The following RAB27B variants were observed in gnomAD, a reference collection of about 807,000 sequenced individuals.
RAB27B encodes ras-related protein Rab-27B.
Under a neutral mutation model 24.6 loss-of-function variants are expected in RAB27B, and 15 were observed. That is an observed-to-expected ratio of 0.61 (90% CI 0.41 to 0.94). The LOEUF (loss-of-function observed/expected upper bound fraction) is 0.94, where lower values mean the gene tolerates loss of function less well. RAB27B is among the 40% of genes least tolerant of loss of function. The pLI is 0.00. For missense variants in RAB27B, 261 were observed against 266.8 expected (o/e 0.98, Z 0.15); for synonymous variants, 105 against 92.5 (o/e 1.14, Z -0.78).
intron 2 of RAB27B, among the ~76,000 whole-genome samples, chr18:54,821,413 C>T (rs1192987066): frequency 6.6e-6 from 1 of 152,100 alleles, no homozygotes; most frequent in African/African-American, 2.4e-5. Flanking sequence ...AAGAACATTC[C>T]ATGCTCATGG....
intron 2 of RAB27B, among the ~76,000 whole-genome samples, chr18:54,794,475 CAA>C (rs958499584): frequency 6.6e-6 from 1 of 152,138 alleles, no homozygotes; most frequent in East Asian, 1.9e-4. Flanking sequence ...AGCGTAAAAA[CAA>C]AAGTCTTCAG....
chr18:54,873,867 C>T (rs1017771511), intron 1 of RAB27B, among the ~76,000 whole-genome samples: 3 of 152,016 alleles, frequency 2.0e-5, no homozygotes, highest in Admixed American at 6.6e-5. Context: ...GTCAAATAGC[C>T]TATTGGAAAA....
intron 2 of RAB27B, among the ~76,000 whole-genome samples, chr18:54,763,490 G>A (rs973579810): frequency 1.3e-5 from 2 of 152,216 alleles, no homozygotes; most frequent in Middle Eastern, 3.4e-3. Context: ...CATGATTTTG[G>A]TAGGTGGAGA....
In RAB27B at chr18:54,794,573, A is replaced by G. The variant is rs188908511; in HGVS notation, c.-20+76432A>G. Among the ~76,000 whole-genome samples the G allele has an allele frequency of 9.7e-4, 148 of 152,312 alleles. 1 individual carries two copies. Among genetic ancestry groups the G allele is most frequent in the Middle Eastern group, 6.8e-3 (2 of 294 alleles). On this transcript the variant is annotated intron_variant, in intron 2 of 4. Coordinates refer to the RAB27B transcript ENST00000586570. The stretch of plus-strand genomic sequence containing the variant: ...AAAATGGTTTTGACAGAGATCACAT[A>G]CTGATGTGTGTATTTGATCCACACA...
chr18:54,739,464 A>C (rs1311839146), intron 2 of RAB27B, among the ~76,000 whole-genome samples: 1 of 150,816 alleles, frequency 6.6e-6, no homozygotes, highest in Non-Finnish European at 1.5e-5. Context: ...CTCAAAAAAA[A>C]AAAAAAAAAG....
intron 1 of RAB27B, among the ~76,000 whole-genome samples, chr18:54,838,179 A>G (rs1482520923): frequency 6.6e-6 from 1 of 152,176 alleles, no homozygotes; most frequent in African/African-American, 2.4e-5. Flanking sequence ...TCTACTTACC[A>G]AAGCATAACA....
intron 1 of RAB27B, among the ~76,000 whole-genome samples, chr18:54,867,442 C>CTTTTTTTTTTTT (rs548288719): frequency 5.1e-4 from 50 of 98,740 alleles, no homozygotes; most frequent in South Asian, 7.9e-4. Flanking sequence ...CTTTTCTTTT[C>CTTTTTTTTTTTT]TTTTTTTTTT....
intron 2 of RAB27B, among the ~76,000 whole-genome samples, chr18:54,817,465 T>C (rs146361120): frequency 2.3e-4 from 35 of 152,258 alleles, no homozygotes; most frequent in African/African-American, 7.0e-4. Flanking sequence ...ATCACTCTGT[T>C]CTACTACCAA....
chr18:54,893,663 G>T lies in RAB27B; in HGVS notation c.*4250G>T, dbSNP rs1913457504. The T allele has an allele frequency of 6.6e-6, 1 of 151,974 alleles. No homozygotes were observed. Among genetic ancestry groups the T allele is most frequent in the African/African-American group, 2.4e-5 (1 of 41,416 alleles). The allele number at this position is 151,974 out of a possible 1,614,324, so 9.4% of individuals were successfully genotyped here. ...CAATGCTTTATAAATCCATGAAGCTGCTTGTCTCATAAAGTAGAACTGATA... is the reference window on the plus strand; with the variant it reads ...CAATGCTTTATAAATCCATGAAGCTTCTTGTCTCATAAAGTAGAACTGATA... On this transcript the variant is annotated 3_prime_UTR_variant, in exon 6 of 6. Coordinates refer to ENST00000262094, the MANE Select transcript of RAB27B (RefSeq NM_004163.4).
intron 1 of RAB27B, among the ~76,000 whole-genome samples, chr18:54,871,833 G>A (rs1197428086): frequency 8.1e-6 from 1 of 123,760 alleles, no homozygotes; most frequent in African/African-American, 3.0e-5. Flanking sequence ...CTGGGCGACA[G>A]AGCAAGACTC....
intron 2 of RAB27B, among the ~76,000 whole-genome samples, chr18:54,734,577 G>T (rs1157854515): frequency 6.6e-6 from 1 of 152,130 alleles, no homozygotes; most frequent in Non-Finnish European, 1.5e-5. Context: ...TTCTCTGAAG[G>T]TAAGATTAGA....
At chr18:54,747,090 A>G (rs1454340389) in intron 2 of RAB27B, among the ~76,000 whole-genome samples, 2 of 152,166 alleles carry the variant, frequency 1.3e-5, no homozygotes, top group African/African-American at 4.8e-5. Flanking sequence ...GCCAGGCAAG[A>G]CCAAGACAGG....
intron 2 of RAB27B, among the ~76,000 whole-genome samples, chr18:54,772,965 C>G (rs1568060374): frequency 6.6e-6 from 1 of 152,134 alleles, no homozygotes; most frequent in Non-Finnish European, 1.5e-5. Flanking sequence ...ACATTTCTTA[C>G]TCCATGACTG....
Position 54,869,097 on chromosome 18 carries a change from T to A in RAB27B, c.-19-8470T>A, listed in dbSNP as rs551608969. 2.6e-5 allele frequency among the ~76,000 whole-genome samples: 4 copies of A among 152,194 alleles called. No homozygotes were observed. In the East Asian group the frequency reaches 7.7e-4, roughly 29 times the overall value. On this transcript the variant is annotated intron_variant, in intron 1 of 5. Transcript: ENST00000262094. ...ACAGTGTTTTAAAGGATATATTAAT[T>A]AGGGATTCACTTTCTATCCATGGAT...
At chr18:54,736,934 G>A (rs1225136989) in intron 2 of RAB27B, among the ~76,000 whole-genome samples, 1 of 152,162 alleles carries the variant, frequency 6.6e-6, no homozygotes, top group Non-Finnish European at 1.5e-5. Context: ...TAATAATGAG[G>A]AATGGGAAGT....
intron 2 of RAB27B, among the ~76,000 whole-genome samples, chr18:54,743,031 A>T (rs1910115681): frequency 2.6e-5 from 4 of 152,226 alleles, no homozygotes; most frequent in Admixed American, 2.6e-4. Flanking sequence ...GCCTAGATAG[A>T]AACAGAGAAG....
chr18:54,828,959 AAAAAAGC>A (rs1254153806), intron 1 of RAB27B, among the ~76,000 whole-genome samples: 3 of 152,230 alleles, frequency 2.0e-5, no homozygotes, highest in Non-Finnish European at 4.4e-5. Flanking sequence ...GTTACCACCA[AAAAAAGC>A]AAAAAGAAAA....
chr18:54,879,437 C>T lies in RAB27B; in HGVS notation c.222C>T (p.Asp74=), dbSNP rs769295545. 2 of 1,612,014 alleles carry T rather than the reference C, an allele frequency of 1.2e-6. No homozygotes were observed. Among genetic ancestry groups the T allele is most frequent in the East Asian group, 2.2e-5 (1 of 44,836 alleles). ...TTAAAGTGCATCTTCAGCTTTGGGA[C>T]ACTGCGGGACAAGAGCGGTAATAGT... ...KAFKVHLQLW[D]TAGQERFRSL... The change falls in exon 3 of 6, where the codon GAC becomes GAT. Residue 74 remains aspartate, a synonymous_variant. Coordinates refer to ENST00000262094, the MANE Select transcript of RAB27B (RefSeq NM_004163.4).
rs796440421 is a variant in RAB27B at position 54,804,922 on chromosome 18, CTT to C, written c.-19-72643_-19-72642del. On this transcript the variant is annotated intron_variant, in intron 2 of 4. Transcript: ENST00000586570. ...TCTCTCTCTCTTTCTTTCTTTCTTT[CTT>C]TCTTTCTTTCTTTCTTTCTTTCTTT... Among the ~76,000 whole-genome samples the C allele has an allele frequency of 1.6e-4, 11 of 69,096 alleles. 1 individual carries two copies. Among genetic ancestry groups the C allele is most frequent in the Admixed American group, 4.4e-4 (3 of 6,854 alleles). 45.3% of individuals were successfully genotyped at this position (69,096 alleles called of 152,430 possible).
Sources: gnomAD v4.1 joint callset for allele counts (sites outside exome capture counted in the v4.1 genomes callset) on GRCh38, gnomAD v4.1.1 for gene constraint, MANE v1.5 for transcripts, NCBI Gene and HGNC (gene_info 2026-07-23, HGNC 2026-07-21) for gene names.